Variants in ZC2HC1B observed in about 807,000 individuals in gnomAD.
The protein encoded by ZC2HC1B is zinc finger C2HC domain-containing protein 1B.
Under a neutral mutation model 31.0 loss-of-function variants are expected in ZC2HC1B, and 36 were observed. The ratio of observed to expected loss-of-function variants is 1.16; its 90% confidence interval spans 0.89 to 1.54. The LOEUF is 1.54. Among genes scored for constraint, ZC2HC1B ranks in the 40% most tolerant of loss-of-function variants. The pLI is 0.00. For missense variants in ZC2HC1B, 260 were observed against 268.6 expected, an observed-to-expected ratio of 0.97 and a Z score of 0.22; for synonymous variants, 73 against 88.0, an observed-to-expected ratio of 0.83 and a Z score of 0.95.
chr6:143,916,789 C>T (rs1007552777), intron 6 of ZC2HC1B, among the ~76,000 whole-genome samples: 1 of 152,206 alleles, frequency 6.6e-6, no homozygotes, highest in Non-Finnish European at 1.5e-5. Context: ...CTGTATTTAC[C>T]CAGCACCTGT....
In ZC2HC1B at chr6:143,931,756, A is replaced by G. The variant is rs199819398; in HGVS notation, c.599-5893A>G. Among the ~76,000 whole-genome samples the G allele has an allele frequency of 2.0e-5, 3 of 151,830 alleles. No homozygotes were observed. In the East Asian group the frequency reaches 5.8e-4, roughly 29 times the overall value. Reference sequence around the variant, plus strand: ...CTGATGCTTTTGCCTCAGAGCTCTTAAGATTCTTTCCTTTGTCTTGACTTT... The same window carrying G: ...CTGATGCTTTTGCCTCAGAGCTCTTGAGATTCTTTCCTTTGTCTTGACTTT... On this transcript the variant is annotated intron_variant, in intron 6 of 7. Transcript: ENST00000237275.
Position 143,905,758 on chromosome 6 carries a change from T to C in ZC2HC1B, c.598+2606T>C, listed in dbSNP as rs1268040448. Among the ~76,000 whole-genome samples, 1 of 152,182 alleles carries C rather than the reference T, an allele frequency of 6.6e-6. No individual in the cohort carries two copies. The highest frequency in any genetic ancestry group is 1.5e-5 in the Non-Finnish European group (1 of 68,016). On this transcript the variant is annotated intron_variant, in intron 6 of 7. Coordinates refer to ENST00000237275, the MANE Select transcript of ZC2HC1B (RefSeq NM_001013623.3). This position sits in a 1 kb window ranked among gnomAD's most constrained non-coding sequence, Gnocchi z 4.2. ...ATTCTTAGTTTGTTGAGTGTTTTTA[T>C]CATGAAAGGGTGTTGAATTTTCTCA...
chr6:143,873,668 G>T (rs535854024), intron 1 of ZC2HC1B, among the ~76,000 whole-genome samples: 2 of 152,232 alleles, frequency 1.3e-5, no homozygotes, highest in Non-Finnish European at 2.9e-5. Flanking sequence ...AGCTGCCAAG[G>T]CTTGGGGCTT....
Position 143,903,053 on chromosome 6 carries a change from C to T in ZC2HC1B, c.499C>T (p.Gln167Ter). Residue 167 changes from glutamine to a stop codon, truncating the protein, a stop_gained, in exon 6 of 8, where the codon CAG (glutamine) becomes TAG (stop). Coordinates refer to ENST00000237275, the MANE Select transcript of ZC2HC1B (RefSeq NM_001013623.3). LOFTEE classifies it high-confidence loss of function. This position sits in a 1 kb window ranked among gnomAD's most constrained non-coding sequence, Gnocchi z 4.3. ...CTTTCTCTCTCTGTAGGGTAGGGCTCAGATGGGTCCAAAAAAAGAACCAAC... is the reference window on the plus strand; with the variant it reads ...CTTTCTCTCTCTGTAGGGTAGGGCTTAGATGGGTCCAAAAAAAGAACCAAC... The part of the protein sequence containing the change: ...KLASRAQGRA[Q>*]MGPKKEPTVT... The T allele has an allele frequency of 1.3e-6, 2 of 1,551,746 alleles. No homozygotes were observed. Among genetic ancestry groups the T allele is most frequent in the Non-Finnish European group, 1.7e-6 (2 of 1,146,966 alleles).
Position 143,922,025 on chromosome 6 carries a change from A to G in ZC2HC1B, c.599-15624A>G, listed in dbSNP as rs1035717170. On this transcript the variant is annotated intron_variant, in intron 6 of 7. Transcript: ENST00000237275. This position sits in a 1 kb window ranked among gnomAD's most constrained non-coding sequence, Gnocchi z 5.0. ...GGAGCCATTCTGGGGAGGAATTAGAAGCATACTGGGTGAAGGTGAATCTCT... is the reference window on the plus strand; with the variant it reads ...GGAGCCATTCTGGGGAGGAATTAGAGGCATACTGGGTGAAGGTGAATCTCT... 2.6e-5 allele frequency among the ~76,000 whole-genome samples: 4 copies of G among 152,234 alleles called. No individual in the cohort carries two copies. The highest frequency in any genetic ancestry group is 2.4e-5 in the African/African-American group (1 of 41,466).
At chr6:143,916,138 T>C (rs776324561) in intron 6 of ZC2HC1B, among the ~76,000 whole-genome samples, 5 of 152,174 alleles carry the variant, frequency 3.3e-5, no homozygotes, top group South Asian at 2.1e-4. Flanking sequence ...AGGGACTTGG[T>C]GCCCTGTGTC....
Position 143,923,420 on chromosome 6 carries a change from G to C in ZC2HC1B, c.599-14229G>C, listed in dbSNP as rs756806587. On this transcript the variant is annotated intron_variant, in intron 6 of 7. Coordinates refer to ENST00000237275, the MANE Select transcript of ZC2HC1B (RefSeq NM_001013623.3). This position sits in a 1 kb window ranked among gnomAD's most constrained non-coding sequence, Gnocchi z 4.8. ...AGCATGTTGTCCTTCTCACTCTGTTGATTGCTTCCTTTGCTGCATAGAAGC... is the reference window on the plus strand; with the variant it reads ...AGCATGTTGTCCTTCTCACTCTGTTCATTGCTTCCTTTGCTGCATAGAAGC... Among the ~76,000 whole-genome samples, 1 of 152,112 alleles carries C rather than the reference G, an allele frequency of 6.6e-6. No individual in the cohort carries two copies. Among genetic ancestry groups the C allele is most frequent in the Non-Finnish European group, 1.5e-5 (1 of 67,996 alleles).
At chr6:143,880,259 A>G (rs763863114) in intron 1 of ZC2HC1B, among the ~76,000 whole-genome samples, 2 of 152,346 alleles carry the variant, frequency 1.3e-5, no homozygotes, top group South Asian at 2.1e-4. Context: ...TTTACCAAGT[A>G]TGATTCCAGA....
At chr6:143,880,693 A>G (rs1777456570) in intron 1 of ZC2HC1B, among the ~76,000 whole-genome samples, 1 of 152,176 alleles carries the variant, frequency 6.6e-6, no homozygotes. Context: ...GAAAGCAGCA[A>G]TAAATGCTAT....
rs2128494895 is a variant in ZC2HC1B at position 143,898,702 on chromosome 6, C to T, written c.489+11C>T. 2 of 1,551,996 alleles carry T rather than the reference C, an allele frequency of 1.3e-6. No homozygotes were observed. Among genetic ancestry groups the T allele is most frequent in the East Asian group, 2.4e-5 (1 of 40,910 alleles). On this transcript the variant is annotated intron_variant, in intron 5 of 7. Coordinates refer to ENST00000237275, the MANE Select transcript of ZC2HC1B (RefSeq NM_001013623.3). ...GCATCCAGAGCTCAGGTAACTATCT[C>T]TCCCCAGGTGTTGGCTCTTGTGCCC...
At chr6:143,892,949 T>C (rs1777618262) in intron 4 of ZC2HC1B, among the ~76,000 whole-genome samples, 1 of 151,460 alleles carries the variant, frequency 6.6e-6, no homozygotes, top group Non-Finnish European at 1.5e-5. Flanking sequence ...AAATTAAACA[T>C]TTCAGTTTAA....
chr6:143,869,931 G>A lies in ZC2HC1B; in HGVS notation c.28+5364G>A, dbSNP rs927019206. Among the ~76,000 whole-genome samples the A allele has an allele frequency of 2.0e-5, 3 of 152,202 alleles. No individual in the cohort carries two copies. The highest frequency in any genetic ancestry group is 3.9e-4 in the East Asian group (2 of 5,190). On this transcript the variant is annotated intron_variant, in intron 1 of 7. Transcript: ENST00000237275. This position sits in a 1 kb window ranked among gnomAD's most constrained non-coding sequence, Gnocchi z 5.2. Reference sequence around the variant, plus strand: ...AGGCTGAGTGGTGTCCACAGAACGGGTCATCCTATCCACTTGATTATTAAA... The same window carrying A: ...AGGCTGAGTGGTGTCCACAGAACGGATCATCCTATCCACTTGATTATTAAA...
intron 5 of ZC2HC1B, among the ~76,000 whole-genome samples, chr6:143,902,671 A>AT (rs1777750164): frequency 6.6e-6 from 1 of 152,244 alleles, no homozygotes. Context: ...GTTAAAAAAA[A>AT]CAAAATAGTC....
chr6:143,898,317 C>T (rs1046790237), intron 4 of ZC2HC1B, among the ~76,000 whole-genome samples: 2 of 152,102 alleles, frequency 1.3e-5, no homozygotes, highest in Admixed American at 6.5e-5. Flanking sequence ...CACAGGCACA[C>T]ACCACCACAC....
intron 4 of ZC2HC1B, among the ~76,000 whole-genome samples, chr6:143,893,382 T>C (rs1426041337): frequency 2.0e-5 from 3 of 152,028 alleles, no homozygotes; most frequent in Non-Finnish European, 4.4e-5. Context: ...CCGGCCAACA[T>C]GGCAAAACCC....
At position 143,907,895 on chromosome 6, in the gene ZC2HC1B, T is replaced by G. The variant is rs117634066; in HGVS notation, c.598+4743T>G. Among the ~76,000 whole-genome samples, 329 of 152,298 alleles carry G rather than the reference T, an allele frequency of 2.2e-3. 7 individuals carry two copies. In the East Asian group the frequency reaches 0.039, roughly 18 times the overall value. On this transcript the variant is annotated intron_variant, in intron 6 of 7. Coordinates refer to ENST00000237275, the MANE Select transcript of ZC2HC1B (RefSeq NM_001013623.3). Reference sequence around the variant, plus strand: ...GTATTGCCTAGATTTTCTTCTATGGTTTTTCTAGTTTTTGGGCTTTACATT... The same window carrying G: ...GTATTGCCTAGATTTTCTTCTATGGGTTTTCTAGTTTTTGGGCTTTACATT...
Position 143,886,018 on chromosome 6 carries a change from T to G in ZC2HC1B, c.91-14T>G. The G allele has an allele frequency of 6.6e-7, 1 of 1,514,598 alleles. No individual in the cohort carries two copies. Among genetic ancestry groups the G allele is most frequent in the South Asian group, 1.3e-5 (1 of 76,968 alleles). The allele number at this position is 1,514,598 out of a possible 1,614,324, so 93.8% of individuals were successfully genotyped here. A position where few individuals can be genotyped will look rare whatever the true frequency, so the allele number is the denominator to read the frequency against. On this transcript the variant is annotated splice_polypyrimidine_tract_variant and intron_variant, in intron 2 of 7. Coordinates refer to ENST00000237275, the MANE Select transcript of ZC2HC1B (RefSeq NM_001013623.3). This position sits in a 1 kb window ranked among gnomAD's most constrained non-coding sequence, Gnocchi z 4.2. The stretch of plus-strand genomic sequence containing the variant: ...GCACTTTAGAAATTCCAATCCCTAC[T>G]CTTCGTTTTCTAGGAAAGGCATGGA...
At chr6:143,894,563 A>C (rs1777640489) in intron 4 of ZC2HC1B, among the ~76,000 whole-genome samples, 1 of 152,214 alleles carries the variant, frequency 6.6e-6, no homozygotes, top group Admixed American at 6.5e-5. Flanking sequence ...ATGTCATCTG[A>C]ACTTCTATAC....
In ZC2HC1B at chr6:143,918,093, A is replaced by T. The variant is rs751412785; in HGVS notation, c.598+14941A>T. On this transcript the variant is annotated intron_variant, in intron 6 of 7. Transcript: ENST00000237275. The surrounding 1 kb of genome is among the most constrained non-coding windows in gnomAD (Gnocchi z 4.1). The stretch of plus-strand genomic sequence containing the variant: ...TTCACCTTGCAGGACTCCCTTGAGT[A>T]TTTCTTGCAGGGCAGGTCTCATGAT... 5.9e-5 allele frequency among the ~76,000 whole-genome samples: 9 copies of T among 152,158 alleles called. No individual in the cohort carries two copies. Among genetic ancestry groups the T allele is most frequent in the Non-Finnish European group, 8.8e-5 (6 of 68,022 alleles).
Sources: gnomAD v4.1 joint callset for allele counts (sites outside exome capture counted in the v4.1 genomes callset) on GRCh38, gnomAD v4.1.1 for gene constraint, Gnocchi (gnomAD v3.1) non-coding constraint, MANE v1.5 for transcripts, NCBI Gene and HGNC (gene_info 2026-07-23, HGNC 2026-07-21) for gene names.